The following OSBPL10 variants were observed in gnomAD, a reference collection of about 807,000 sequenced individuals.
The protein encoded by OSBPL10 is oxysterol-binding protein-related protein 10.
A neutral mutation model predicts 81.7 loss-of-function variants in OSBPL10; 49 were observed. The observed-to-expected ratio is 0.60, with a 90% CI of 0.48 to 0.76. The LOEUF is 0.76. OSBPL10 is among the 30% of genes least tolerant of loss of function. OSBPL10 has a pLI of 0.00. For synonymous variants in OSBPL10, 419 were observed against 383.6 expected (o/e 1.09, Z -1.08); for missense variants, 923 against 987.8 (o/e 0.93, Z 0.88).
chr3:31,662,410 TGACAGTGG>T, intron 11 of OSBPL10: 2 of 1,143,188 alleles, frequency 1.7e-6, no homozygotes, highest in Non-Finnish European at 2.2e-6. Context: ...AGAAGCACTT[TGACAGTGG>T]GACAAGAGAA....
intron 2 of OSBPL10, among the ~76,000 whole-genome samples, chr3:32,013,644 A>G (rs1699282447): frequency 6.6e-6 from 1 of 152,234 alleles, no homozygotes; most frequent in Admixed American, 6.5e-5. Context: ...CAAAAATTCA[A>G]TGAATCCAGG....
intron 4 of OSBPL10, among the ~76,000 whole-genome samples, chr3:31,809,372 C>T (rs1484657460): frequency 6.6e-6 from 1 of 152,140 alleles, no homozygotes; most frequent in East Asian, 1.9e-4. Flanking sequence ...AAATACTTGG[C>T]AATTAAAAGG....
chr3:32,024,606 C>A (rs1272281303), intron 2 of OSBPL10, among the ~76,000 whole-genome samples: 1 of 151,372 alleles, frequency 6.6e-6, no homozygotes, highest in Non-Finnish European at 1.5e-5. Flanking sequence ...TGCCTCAGCC[C>A]CCCCAGTAGC....
rs74657729 is a variant in OSBPL10 at position 31,684,083 on chromosome 3, C to T, written c.1277G>A (p.Arg426Gln). ...VVLPTFILEKRSLLEMYADFM... is the reference protein window; with the variant it reads ...VVLPTFILEKQSLLEMYADFM... ...ATCTGCATACATCTCCAGCAAAGATCGCTTCTCCAGGATAAAGGTGGGAAG... is the reference window on the plus strand; with the variant it reads ...ATCTGCATACATCTCCAGCAAAGATTGCTTCTCCAGGATAAAGGTGGGAAG... Residue 426 changes from arginine (R) to glutamine (Q), a missense_variant, in exon 8 of 12, where the codon CGA (arginine) becomes CAA (glutamine). By Grantham distance (43) the Arg-to-Gln change is conservative (BLOSUM62 1). Transcript: ENST00000396556. 17 of 1,614,044 alleles carry T rather than the reference C, an allele frequency of 1.1e-5. No homozygotes were observed. Among genetic ancestry groups the T allele is most frequent in the East Asian group, 2.2e-5 (1 of 44,878 alleles).
intron 4 of OSBPL10, among the ~76,000 whole-genome samples, chr3:31,760,622 C>T (rs1366118368): frequency 2.0e-5 from 3 of 152,098 alleles, no homozygotes; most frequent in Non-Finnish European, 2.9e-5. Context: ...ATTTTCAATC[C>T]TTAGTTGGTT....
intron 2 of OSBPL10, among the ~76,000 whole-genome samples, chr3:32,012,965 G>A (rs1699274921): frequency 6.6e-6 from 1 of 152,142 alleles, no homozygotes; most frequent in African/African-American, 2.4e-5. Flanking sequence ...GACCTACAAA[G>A]AGACTTAAGA....
At chr3:32,041,083 G>A (rs773797157) in intron 2 of OSBPL10, among the ~76,000 whole-genome samples, 15 of 152,244 alleles carry the variant, frequency 9.9e-5, no homozygotes, top group Middle Eastern at 3.4e-3. Flanking sequence ...GCAGGTGCCC[G>A]CTTGGACAGA....
intron 2 of OSBPL10, among the ~76,000 whole-genome samples, chr3:31,878,691 T>C (rs1701542656): frequency 6.6e-6 from 1 of 152,190 alleles, no homozygotes; most frequent in South Asian, 2.1e-4. Context: ...CGTTTCTTCA[T>C]ACTTAGCTCT....
chr3:31,662,450 G>T, intron 11 of OSBPL10: 1 of 1,061,618 alleles, frequency 9.4e-7, no homozygotes, highest in Non-Finnish European at 1.1e-6. Context: ...CTAGATGAAT[G>T]GCCAGGGGAA....
At chr3:31,759,724 CA>C (rs944853310) in intron 4 of OSBPL10, among the ~76,000 whole-genome samples, 1 of 152,064 alleles carries the variant, frequency 6.6e-6, no homozygotes, top group Non-Finnish European at 1.5e-5. Flanking sequence ...TGTATTCTTA[CA>C]ACAAAGCAAG....
rs1699253346 is a variant in OSBPL10, at chr3:32,011,226, A to G, written n.298+35265T>C. On this transcript the variant is annotated intron_variant and non_coding_transcript_variant, in intron 2 of 3. Coordinates refer to the OSBPL10 transcript ENST00000479173. ...AGACTGACACCTCACACAGCCGGGT[A>G]CTCCTCTGAGACAAAACTTCCAGAG... Among the ~76,000 whole-genome samples, 3 of 152,064 alleles carry G rather than the reference A, an allele frequency of 2.0e-5. No individual in the cohort carries two copies. In the South Asian group the frequency reaches 6.2e-4, roughly 32 times the overall value.
At chr3:31,890,536 G>A (rs558670946) in intron 1 of OSBPL10, among the ~76,000 whole-genome samples, 1 of 152,192 alleles carries the variant, frequency 6.6e-6, no homozygotes, top group African/African-American at 2.4e-5. Context: ...AGAGCCACCA[G>A]CCTGAGAGGC....
At position 31,705,730 on chromosome 3, in the gene OSBPL10, G is replaced by C. The variant is rs373590943; in HGVS notation, c.1096-3222C>G. On this transcript the variant is annotated intron_variant, in intron 6 of 11. Coordinates refer to ENST00000396556, the MANE Select transcript of OSBPL10 (RefSeq NM_017784.5). ...ATCCACACTCCCCTTCTCTCACAAA[G>C]TCCTACTTGTCTCCTGGGAGCCCCT... Among the ~76,000 whole-genome samples the C allele has an allele frequency of 1.4e-3, 211 of 152,206 alleles. 1 individual carries two copies. Among genetic ancestry groups the C allele is most frequent in the African/African-American group, 4.8e-3 (199 of 41,528 alleles).
chr3:32,068,436 C>T (rs1699798739), intron 1 of OSBPL10, among the ~76,000 whole-genome samples: 1 of 152,140 alleles, frequency 6.6e-6, no homozygotes, highest in African/African-American at 2.4e-5. Context: ...GTGTCTCTAC[C>T]CTTCTCTTTA....
intron 1 of OSBPL10, among the ~76,000 whole-genome samples, chr3:31,944,668 C>T (rs2125431444): frequency 6.6e-6 from 1 of 151,008 alleles, no homozygotes; most frequent in South Asian, 2.1e-4. Context: ...TAATACAGTG[C>T]TGTGGCACTG....
chr3:31,664,130 C>G lies in OSBPL10; in HGVS notation c.2199G>C (p.Arg733=). The change falls in exon 11 of 12, where the codon CGG becomes CGC. Residue 733 remains arginine (R), a synonymous_variant. Coordinates refer to ENST00000396556, the MANE Select transcript of OSBPL10 (RefSeq NM_017784.5). ...ATGGTGTGCGGAGGTTCTCGCGCTT[C>G]CGTTCCTCCACCCGTTGCTTCTCCT... ...HLEEKQRVEE[R]KRENLRTPWK... The G allele has an allele frequency of 6.2e-7, 1 of 1,613,990 alleles. No individual in the cohort carries two copies. Among genetic ancestry groups the G allele is most frequent in the Non-Finnish European group, 8.5e-7 (1 of 1,180,016 alleles).
chr3:31,953,707 CA>C (rs1286490128), intron 1 of OSBPL10, among the ~76,000 whole-genome samples: 1 of 152,206 alleles, frequency 6.6e-6, no homozygotes, highest in African/African-American at 2.4e-5. Context: ...CACCTGGCCA[CA>C]ATGGCCATTC....
intron 1 of OSBPL10, among the ~76,000 whole-genome samples, chr3:31,925,762 G>A (rs370743965): frequency 2.2e-4 from 34 of 152,134 alleles, no homozygotes; most frequent in African/African-American, 7.2e-4. Context: ...GCAGTGAGCC[G>A]AGATTGTGCC....
chr3:32,073,843 T>C (rs971209369), intron 1 of OSBPL10, among the ~76,000 whole-genome samples: 1 of 152,126 alleles, frequency 6.6e-6, no homozygotes, highest in Non-Finnish European at 1.5e-5. Flanking sequence ...CACTCTTGAC[T>C]CCCTCTTGGA....
Sources: gnomAD v4.1 joint callset for allele counts (sites outside exome capture counted in the v4.1 genomes callset) on GRCh38, gnomAD v4.1.1 for gene constraint, MANE v1.5 for transcripts, NCBI Gene and HGNC (gene_info 2026-07-23, HGNC 2026-07-21) for gene names.